The following SGCD variants were observed in gnomAD, a reference collection of about 807,000 sequenced individuals.
SGCD encodes sarcoglycan delta.
SGCD carries 18 observed loss-of-function variants against 36.6 expected under a neutral mutation model. That is an observed-to-expected ratio of 0.49 (90% CI 0.34 to 0.73). The LOEUF is 0.73. Among genes scored for constraint, SGCD ranks in the 30% least tolerant of loss-of-function variants. SGCD has a pLI of 0.01. For synonymous variants in SGCD, 133 were observed against 130.6 expected (o/e 1.02, Z -0.12); for missense variants, 387 against 346.7 (o/e 1.12, Z -0.92).
intron 3 of SGCD, among the ~76,000 whole-genome samples, chr5:156,394,595 A>G (rs1771754359): frequency 6.6e-6 from 1 of 152,240 alleles, no homozygotes; most frequent in East Asian, 1.9e-4. Flanking sequence ...CTCCACAAAA[A>G]TATGTGTAAG....
At chr5:156,084,703 G>T (rs1761052498) in intron 1 of SGCD, among the ~76,000 whole-genome samples, 1 of 152,076 alleles carries the variant, frequency 6.6e-6, no homozygotes, top group African/African-American at 2.4e-5. Flanking sequence ...TTGCCTTGTT[G>T]TGCTGACTAG....
intron 4 of SGCD, among the ~76,000 whole-genome samples, chr5:156,579,448 T>A (rs1760143629): frequency 6.6e-6 from 1 of 152,162 alleles, no homozygotes; most frequent in South Asian, 2.1e-4. Context: ...CAGAGCTGAG[T>A]TCAAGTCCTG....
intron 5 of SGCD, among the ~76,000 whole-genome samples, chr5:156,593,348 C>T (rs1354315274): frequency 6.6e-6 from 1 of 152,104 alleles, no homozygotes; most frequent in African/African-American, 2.4e-5. Flanking sequence ...AACACGCGCA[C>T]CAGACAAGGC....
intron 1 of SGCD, among the ~76,000 whole-genome samples, chr5:155,905,264 G>A (rs1756479111): frequency 6.6e-6 from 1 of 152,176 alleles, no homozygotes; most frequent in Non-Finnish European, 1.5e-5. Flanking sequence ...AAAGAAAGCT[G>A]ATGCAAAAGT....
intron 1 of SGCD, among the ~76,000 whole-genome samples, chr5:155,894,916 C>A (rs998505057): frequency 3.3e-5 from 5 of 152,120 alleles, no homozygotes; most frequent in Non-Finnish European, 7.4e-5. Context: ...ATCCTGCAAA[C>A]CCCTGCCACC....
At chr5:156,018,090 G>T (rs1176293821) in intron 1 of SGCD, among the ~76,000 whole-genome samples, 1 of 152,110 alleles carries the variant, frequency 6.6e-6, no homozygotes, top group Non-Finnish European at 1.5e-5. Context: ...AGCCTAGGAG[G>T]TCAAGGCTGC....
At chr5:156,681,643 A>C (rs1291981862) in intron 7 of SGCD, among the ~76,000 whole-genome samples, 1 of 152,190 alleles carries the variant, frequency 6.6e-6, no homozygotes, top group Admixed American at 6.5e-5. Context: ...GTGATAGATG[A>C]TTATGTTTGA....
At chr5:156,606,680 C>G (rs1367364809) in intron 6 of SGCD, among the ~76,000 whole-genome samples, 1 of 152,188 alleles carries the variant, frequency 6.6e-6, no homozygotes, top group Non-Finnish European at 1.5e-5. Context: ...TACCCATGAA[C>G]ATGAAATGTT....
At chr5:156,603,024 C>T (rs931336758) in intron 6 of SGCD, among the ~76,000 whole-genome samples, 50 of 141,714 alleles carry the variant, frequency 3.5e-4, no homozygotes, top group African/African-American at 1.3e-3. Context: ...AGTAATACTT[C>T]TTCTTTAAGT....
intron 4 of SGCD, among the ~76,000 whole-genome samples, chr5:156,525,191 A>G (rs1234907570): frequency 6.6e-6 from 1 of 152,132 alleles, no homozygotes; most frequent in Non-Finnish European, 1.5e-5. Flanking sequence ...TTCAACCAAC[A>G]ATACAAAAAG....
intron 7 of SGCD, among the ~76,000 whole-genome samples, chr5:156,669,392 C>A (rs898887164): frequency 2.0e-5 from 3 of 152,130 alleles, no homozygotes; most frequent in South Asian, 2.1e-4. Context: ...TAATGATATC[C>A]TTAAGAAGGA....
intron 1 of SGCD, among the ~76,000 whole-genome samples, chr5:155,897,855 T>C (rs73810343): frequency 0.087 from 13,299 of 152,220 alleles, 645 homozygotes; most frequent in South Asian, 0.12. Context: ...CATGTCATCA[T>C]GCAGCACATG....
chr5:156,629,692 C>T (rs1762557744), intron 6 of SGCD, among the ~76,000 whole-genome samples: 1 of 152,128 alleles, frequency 6.6e-6, no homozygotes. Flanking sequence ...AGCTACTCAA[C>T]TTTTCCATTG....
intron 7 of SGCD, among the ~76,000 whole-genome samples, chr5:156,714,007 G>A (rs1198265177): frequency 3.9e-5 from 6 of 152,330 alleles, no homozygotes; most frequent in Admixed American, 6.5e-5. Context: ...TCCAGCATAC[G>A]TGAAAGGAAT....
chr5:156,564,703 T>A (rs1487716157), intron 4 of SGCD, among the ~76,000 whole-genome samples: 2 of 152,132 alleles, frequency 1.3e-5, no homozygotes, highest in Non-Finnish European at 2.9e-5. Context: ...TTTCTATGAA[T>A]GTGACCATTT....
At chr5:155,890,479 G>C (rs1756098700) in intron 1 of SGCD, among the ~76,000 whole-genome samples, 1 of 152,028 alleles carries the variant, frequency 6.6e-6, no homozygotes, top group South Asian at 2.1e-4. Flanking sequence ...ACAAAATTTT[G>C]CCAGAAATAG....
chr5:156,304,595 C>G (rs1203167777), intron 3 of SGCD, among the ~76,000 whole-genome samples: 1 of 152,074 alleles, frequency 6.6e-6, no homozygotes, highest in Non-Finnish European at 1.5e-5. Flanking sequence ...GACTAATACA[C>G]TAAATTGATG....
At chr5:156,073,280 C>T (rs895091319) in intron 1 of SGCD, among the ~76,000 whole-genome samples, 2 of 152,158 alleles carry the variant, frequency 1.3e-5, no homozygotes, top group Non-Finnish European at 2.9e-5. Flanking sequence ...TACTCTCTCA[C>T]CCAGGCCAGT....
intron 1 of SGCD, among the ~76,000 whole-genome samples, chr5:156,075,397 A>T (rs927314968): frequency 6.6e-6 from 1 of 152,160 alleles, no homozygotes; most frequent in Non-Finnish European, 1.5e-5. Flanking sequence ...TAAAAAAATC[A>T]TACTACAAGG....
Sources: gnomAD v4.1 joint callset for allele counts (sites outside exome capture counted in the v4.1 genomes callset) on GRCh38, gnomAD v4.1.1 for gene constraint, MANE v1.5 for transcripts, NCBI Gene and HGNC (gene_info 2026-07-23, HGNC 2026-07-21) for gene names.